The following HEATR4 variants were observed in gnomAD, a reference collection of about 807,000 sequenced individuals.
HEATR4 encodes HEAT repeat-containing protein 4.
A neutral mutation model predicts 108.8 loss-of-function variants in HEATR4; 95 were observed. The ratio of observed to expected loss-of-function variants is 0.87; its 90% CI spans 0.74 to 1.04. The LOEUF is 1.04. Ranked by LOEUF, HEATR4 falls within the 50% of genes least tolerant of loss-of-function variation. The pLI, the probability that HEATR4 is intolerant of heterozygous loss-of-function variation, is 0.00. For synonymous variants in HEATR4, 443 were observed against 459.4 expected (o/e 0.96, Z 0.46); for missense variants, 1,152 against 1,253.8 (o/e 0.92, Z 1.23).
the HEATR4 span, among the ~76,000 whole-genome samples, chr14:73,583,644 T>C: frequency 6.6e-6 from 1 of 151,950 alleles, no homozygotes; most frequent in African/African-American, 2.4e-5. Context: ...GCTGTTAACA[T>C]TAAAGTGTTA....
the HEATR4 span, among the ~76,000 whole-genome samples, chr14:73,579,328 G>C: frequency 1.4e-5 from 2 of 142,758 alleles, no homozygotes; most frequent in African/African-American, 5.1e-5. Context: ...TGTAATCCCA[G>C]CTCTTTGAGA....
At chr14:73,525,008 T>C (rs974334795) in intron 2 of HEATR4, among the ~76,000 whole-genome samples, 1 of 152,098 alleles carries the variant, frequency 6.6e-6, no homozygotes, top group African/African-American at 2.4e-5. Context: ...GGGCAAGTTC[T>C]TTTTTGTGTG....
chr14:73,527,798 C>A (rs1253758089), intron 2 of HEATR4, among the ~76,000 whole-genome samples: 3 of 151,368 alleles, frequency 2.0e-5, no homozygotes, highest in African/African-American at 7.3e-5. Flanking sequence ...GCCAACATGG[C>A]GAAACCCCAT....
chr14:73,568,508 A>C, the HEATR4 span, among the ~76,000 whole-genome samples: 1 of 151,934 alleles, frequency 6.6e-6, no homozygotes, highest in Admixed American at 6.6e-5. Flanking sequence ...TTGTAAGTGC[A>C]GTGATGGTAA....
At chr14:73,496,713 A>C in intron 14 of HEATR4, 34 bp from the exon 15 acceptor site, 2 of 1,176,088 alleles carry the variant, frequency 1.7e-6, no homozygotes, top group South Asian at 2.5e-5. Flanking sequence ...AGATTATTCT[A>C]CCCTGCCCTT....
At chr14:73,478,970 A>G in intron 17 of HEATR4, 128 bp from the exon 18 acceptor site, 1 of 622,532 alleles carries the variant, frequency 1.6e-6, no homozygotes, top group Admixed American at 3.0e-5. Context: ...ACGGAGTCCC[A>G]CTCTGTCGCC....
chr14:73,495,470 G>A (rs774328972), intron 15 of HEATR4, 83 bp from the exon 16 acceptor site: 2 of 1,152,046 alleles, frequency 1.7e-6, no homozygotes, highest in Non-Finnish European at 2.5e-6. Context: ...TTAATAAAGT[G>A]ATTGTAGGAG....
intron 2 of HEATR4, among the ~76,000 whole-genome samples, chr14:73,524,310 A>AAAAAATATATATATATATATATATAT: frequency 5.5e-5 from 3 of 54,782 alleles, no homozygotes; most frequent in African/African-American, 2.6e-4. Flanking sequence ...AAAAAAAAAA[A>AAAAAATATATATATATATATATATAT]ATATATATAT....
chr14:73,594,979 A>G, the HEATR4 span: 5 of 1,565,340 alleles, frequency 3.2e-6, no homozygotes, highest in African/African-American at 6.8e-5. Context: ...TGTTGGGATT[A>G]CAGGCATGAG....
chr14:73,574,803 CT>C, the HEATR4 span: 1 of 1,583,694 alleles, frequency 6.3e-7, no homozygotes, highest in South Asian at 1.1e-5. Context: ...ATGGTAGAAC[CT>C]AGATTCAGAC....
the HEATR4 span, chr14:73,582,232 T>C: frequency 2.7e-5 from 4 of 149,404 alleles, no homozygotes; most frequent in Non-Finnish European, 5.9e-5. Context: ...GGTCAGCTGC[T>C]CTCTGACCCA....
At chr14:73,491,083 C>G in intron 17 of HEATR4, 1 of 1,599,496 alleles carries the variant, frequency 6.3e-7, no homozygotes, top group Non-Finnish European at 8.5e-7. Context: ...GGCGCAAGCC[C>G]CAGCCACACA....
At chr14:73,612,611 T>C in the HEATR4 span, 2 of 1,419,686 alleles carry the variant, frequency 1.4e-6, no homozygotes, top group Non-Finnish European at 1.8e-6. Flanking sequence ...GGGCCGCTGC[T>C]GCTGGGACGA....
chr14:73,627,607 G>A, the HEATR4 span, among the ~76,000 whole-genome samples: 1 of 152,118 alleles, frequency 6.6e-6, no homozygotes, highest in Non-Finnish European at 1.5e-5. Context: ...AAGACACAGA[G>A]CTTCCATGTC....
At chr14:73,497,123 T>C (rs994095992) in intron 14 of HEATR4, among the ~76,000 whole-genome samples, 2 of 152,226 alleles carry the variant, frequency 1.3e-5, no homozygotes, top group Non-Finnish European at 2.9e-5. Flanking sequence ...CTAGAACTCC[T>C]GACCTCAGGT....
chr14:73,506,960 C>T (rs1886898875), intron 9 of HEATR4, among the ~76,000 whole-genome samples: 1 of 151,832 alleles, frequency 6.6e-6, no homozygotes, highest in African/African-American at 2.4e-5. Context: ...GCCACCACGC[C>T]CGGTTAATTT....
chr14:73,574,782 A>G, the HEATR4 span: 1 of 1,526,852 alleles, frequency 6.5e-7, no homozygotes, highest in Non-Finnish European at 8.9e-7. Flanking sequence ...CAAAGTTGCA[A>G]ATCTGGGTAA....
rs548906111 is a variant in HEATR4 at position 73,482,349 on chromosome 14, C to T, written c.2845-3507G>A. Among the ~76,000 whole-genome samples, 3 of 152,280 alleles carry T rather than the reference C, an allele frequency of 2.0e-5. No individual in the cohort carries two copies. In the South Asian group the frequency reaches 6.2e-4, roughly 32 times the overall value. ...CCAGCCTGGCCAATGTGGTGAAACT[C>T]TGTCTCTACTAAAAATTCAAAAATT... On this transcript the variant is annotated intron_variant, in intron 17 of 17. Coordinates refer to ENST00000553558, the MANE Select transcript of HEATR4 (RefSeq NM_001220484.1).
At chr14:73,622,918 T>G in the HEATR4 span, among the ~76,000 whole-genome samples, 8 of 137,656 alleles carry the variant, frequency 5.8e-5, no homozygotes, top group East Asian at 5.8e-4. Flanking sequence ...TTAGTTTTTG[T>G]TTTTTTTTGA....
Sources: allele counts gnomAD v4.1 joint callset (sites outside exome capture counted in the v4.1 genomes callset), GRCh38; gene constraint gnomAD v4.1.1; transcripts MANE v1.5; gene names NCBI Gene and HGNC (gene_info 2026-07-23, HGNC 2026-07-21).